Variants in COL4A5 observed in about 807,000 individuals in gnomAD.
COL4A5 encodes collagen type IV alpha 5 chain, also known as collagen alpha-5(IV) chain.
In COL4A5, 26 loss-of-function variants were observed where a neutral mutation model predicts 130.2. That is an observed-to-expected ratio of 0.20 (90% CI 0.15 to 0.28). The LOEUF is 0.28. COL4A5 is among the 10% of genes least tolerant of loss of function. The probability of loss-of-function intolerance (pLI) is 1.00; values close to 1 mark genes in which losing one functional copy is unlikely to be tolerated. For missense variants in COL4A5, 1,131 were observed against 1,344.3 expected, an observed-to-expected ratio of 0.84 and a Z score of 2.48; for synonymous variants, 496 against 439.6, an observed-to-expected ratio of 1.13 and a Z score of -1.60.
chrX:108,446,596 T>C (rs1012486740), intron 1 of COL4A5, among the ~76,000 whole-genome samples: 4 of 111,828 alleles, frequency 3.6e-5, no homozygotes, highest in Non-Finnish European at 3.8e-5. Flanking sequence ...GTAGCTAATG[T>C]TATTTCCACT....
In COL4A5 at chrX:108,440,015, C is replaced by T; in HGVS notation, c.-111C>T. 1.8e-6 allele frequency: 1 copy of T among 571,406 alleles called. No homozygotes were observed. Among genetic ancestry groups the T allele is most frequent in the Non-Finnish European group, 3.0e-6 (1 of 334,738 alleles). 47.1% of individuals were successfully genotyped at this position (571,406 alleles called of 1,213,427 possible). On this transcript the variant is annotated 5_prime_UTR_variant, in exon 1 of 53. Coordinates refer to ENST00000328300, the MANE Select transcript of COL4A5 (RefSeq NM_033380.3). ...TTTCTCTTCACCCAAGCCTCACTGT[C>T]CCTCTCCGGCTCTAGCTCTCTCCAT...
chrX:108,550,481 T>C (rs912906997), intron 2 of COL4A5, among the ~76,000 whole-genome samples: 4 of 111,939 alleles, frequency 3.6e-5, no homozygotes, highest in Non-Finnish European at 7.5e-5. Context: ...AGAATGCATT[T>C]AATGACATTC....
chrX:108,646,930 A>G (rs948120093), intron 36 of COL4A5, among the ~76,000 whole-genome samples: 2 of 109,279 alleles, frequency 1.8e-5, no homozygotes, highest in Non-Finnish European at 3.8e-5. Flanking sequence ...GTTCTGTTCC[A>G]TTGATCTATA....
intron 19 of COL4A5, among the ~76,000 whole-genome samples, chrX:108,589,308 T>C (rs2066392704): frequency 9.0e-6 from 1 of 110,859 alleles, no homozygotes; most frequent in Non-Finnish European, 1.9e-5. Flanking sequence ...ATGTATAACA[T>C]ACACACCAAT....
chrX:108,496,771 G>A (rs914076019), intron 1 of COL4A5, among the ~76,000 whole-genome samples: 1 of 111,292 alleles, frequency 9.0e-6, no homozygotes, highest in African/African-American at 3.3e-5. Flanking sequence ...TTATTGTTAT[G>A]TATGTTTCCT....
intron 36 of COL4A5, among the ~76,000 whole-genome samples, chrX:108,644,901 AAACAAC>A (rs1311268849): frequency 9.8e-6 from 1 of 102,396 alleles, no homozygotes; most frequent in Admixed American, 1.1e-4. Context: ...CTCCGTCTCC[AAACAAC>A]AACAACAACA....
chrX:108,455,891 C>A, intron 1 of COL4A5, among the ~76,000 whole-genome samples: 1 of 111,782 alleles, frequency 8.9e-6, no homozygotes, highest in Non-Finnish European at 1.9e-5. Flanking sequence ...TGTGGCATTA[C>A]TTTGGTAGCA....
At chrX:108,530,917 T>TC (rs2065376345) in intron 1 of COL4A5, among the ~76,000 whole-genome samples, 1 of 103,160 alleles carries the variant, frequency 9.7e-6, no homozygotes, top group Admixed American at 1.1e-4. Context: ...CACGTATGTT[T>TC]ATTGTGGCAC....
chrX:108,604,328 T>C (rs1397631080), intron 28 of COL4A5, among the ~76,000 whole-genome samples: 1 of 112,377 alleles, frequency 8.9e-6, no homozygotes, highest in Non-Finnish European at 1.9e-5. Context: ...AGAATGGGTA[T>C]TGTGTTAGCA....
At chrX:108,681,188 C>T (rs1448437506) in intron 46 of COL4A5, among the ~76,000 whole-genome samples, 1 of 111,152 alleles carries the variant, frequency 9.0e-6, no homozygotes, top group East Asian at 2.8e-4. Flanking sequence ...AACAAAAATG[C>T]TTCCTTGACA....
In COL4A5 at chrX:108,582,505, A is replaced by G. The variant is rs1157193295; in HGVS notation, c.937-379A>G. On this transcript the variant is annotated intron_variant, in intron 16 of 52. Coordinates refer to ENST00000328300, the MANE Select transcript of COL4A5 (RefSeq NM_033380.3). ...CTCCAACCCTGTTCTTTCCTCTCCA[A>G]TTGCTGCTAGGCTGCTGGTTTTCAC... 4.5e-5 allele frequency: 7 copies of G among 156,968 alleles called. No individual in the cohort carries two copies. In the Admixed American group the frequency reaches 5.5e-4, roughly 12 times the overall value. The allele number at this position is 156,968 out of a possible 1,213,427, so 12.9% of individuals were successfully genotyped here.
At chrX:108,650,351 C>T (rs1189471748) in intron 36 of COL4A5, among the ~76,000 whole-genome samples, 1 of 111,084 alleles carries the variant, frequency 9.0e-6, no homozygotes, top group East Asian at 2.9e-4. Context: ...CAGCTACTCT[C>T]GAAAAGAGTG....
At chrX:108,601,278 G>A in intron 25 of COL4A5, 115 bp from the exon 26 acceptor site, 1 of 506,818 alleles carries the variant, frequency 2.0e-6, no homozygotes, top group East Asian at 3.7e-5. Flanking sequence ...GTGAATTTTT[G>A]TTAGTTTACA....
chrX:108,669,407 G>A (rs1259917598), intron 41 of COL4A5, among the ~76,000 whole-genome samples: 2 of 112,185 alleles, frequency 1.8e-5, no homozygotes, highest in Non-Finnish European at 3.8e-5. Flanking sequence ...AAAGTGATTG[G>A]AATTCATTTT....
At chrX:108,667,018 T>A in intron 39 of COL4A5, 115 bp from the exon 40 acceptor site, 1 of 611,366 alleles carries the variant, frequency 1.6e-6, no homozygotes, top group Non-Finnish European at 2.8e-6. Flanking sequence ...ATGTTTCATA[T>A]AATATACATT....
At chrX:108,522,351 A>G (rs974067045) in intron 1 of COL4A5, among the ~76,000 whole-genome samples, 4 of 107,353 alleles carry the variant, frequency 3.7e-5, no homozygotes, top group East Asian at 5.8e-4. Context: ...TACTTTGTTT[A>G]GGAACTGCCC....
At chrX:108,467,533 C>T (rs2064718509) in intron 1 of COL4A5, among the ~76,000 whole-genome samples, 1 of 111,773 alleles carries the variant, frequency 8.9e-6, no homozygotes, top group Admixed American at 9.5e-5. Context: ...ATTACTCTTT[C>T]TGCATAAAAG....
At position 108,642,756 on chromosome X, in the gene COL4A5, T is replaced by C. The variant is rs377635045; in HGVS notation, c.3247-12575T>C. ...GAAAAACAGACTTCAGCCCTAGACC[T>C]ACCCTGTGACAAAGCCTACCCAAAT... On this transcript the variant is annotated intron_variant, in intron 36 of 52. Coordinates refer to ENST00000328300, the MANE Select transcript of COL4A5 (RefSeq NM_033380.3). Among the ~76,000 whole-genome samples, 11 of 103,870 alleles carry C rather than the reference T, an allele frequency of 1.1e-4. No individual in the cohort carries two copies. The East Asian group carries it at 3.1e-3, about 29-fold the overall frequency. 90.2% of individuals were successfully genotyped at this position (103,870 alleles called of 115,157 possible).
chrX:108,691,551 G>A (rs1448975524), intron 49 of COL4A5, among the ~76,000 whole-genome samples: 1 of 110,129 alleles, frequency 9.1e-6, no homozygotes, highest in Non-Finnish European at 1.9e-5. Flanking sequence ...AACAATGACA[G>A]GTCAAAATAA....
Sources: gnomAD v4.1 joint callset for allele counts (sites outside exome capture counted in the v4.1 genomes callset) on GRCh38, gnomAD v4.1.1 for gene constraint, MANE v1.5 for transcripts, NCBI Gene and HGNC (gene_info 2026-07-23, HGNC 2026-07-21) for gene names.